Variants in NDST3 observed in about 807,000 individuals in gnomAD.
NDST3 encodes the protein bifunctional heparan sulfate N-deacetylase/N-sulfotransferase 3.
A neutral mutation model predicts 96.1 loss-of-function variants in NDST3; 58 were observed. That is an observed-to-expected ratio of 0.60 (90% confidence interval 0.49 to 0.75). The LOEUF (loss-of-function observed/expected upper bound fraction) is 0.75. Among genes scored for constraint, NDST3 ranks in the 30% least tolerant of loss-of-function variants. The probability of loss-of-function intolerance (pLI) is 0.00; values close to 1 mark genes in which losing one functional copy is unlikely to be tolerated. For missense variants in NDST3, 788 were observed against 1,034.2 expected (o/e 0.76, Z 3.27); for synonymous variants, 333 against 359.7 (o/e 0.93, Z 0.84).
chr4:118,163,904 G>A (rs1735370334), intron 6 of NDST3, among the ~76,000 whole-genome samples: 1 of 152,232 alleles, frequency 6.6e-6, no homozygotes, highest in East Asian at 1.9e-4. Context: ...TGGTGGTAAT[G>A]TAAATTAGTT....
chr4:118,183,802 C>T (rs1243881964), intron 6 of NDST3, among the ~76,000 whole-genome samples: 1 of 152,198 alleles, frequency 6.6e-6, no homozygotes, highest in Non-Finnish European at 1.5e-5. Flanking sequence ...TTTACATCCT[C>T]TTAATCGTAA....
chr4:118,224,379 C>T (rs1423775262), intron 6 of NDST3, 112 bp from the exon 7 acceptor site: 2 of 870,888 alleles, frequency 2.3e-6, no homozygotes, highest in Admixed American at 6.4e-5. Context: ...ACGCCATCAA[C>T]TGAAACCCTG....
chr4:118,252,014 C>T (rs955342403), intron 12 of NDST3, among the ~76,000 whole-genome samples: 3 of 152,000 alleles, frequency 2.0e-5, no homozygotes, highest in Non-Finnish European at 4.4e-5. Context: ...TAAACTGTCA[C>T]CCTAGATATT....
At chr4:118,213,378 G>A (rs1738932249) in intron 6 of NDST3, among the ~76,000 whole-genome samples, 1 of 152,084 alleles carries the variant, frequency 6.6e-6, no homozygotes, top group South Asian at 2.1e-4. Flanking sequence ...CATTCGGTTG[G>A]AACCTGCAAT....
intron 2 of NDST3, among the ~76,000 whole-genome samples, chr4:118,074,901 CTTCT>C (rs1727382948): frequency 6.6e-6 from 1 of 151,862 alleles, no homozygotes; most frequent in South Asian, 2.1e-4. Flanking sequence ...CCTTTAAGGA[CTTCT>C]TTTTTTATTA....
intron 5 of NDST3, among the ~76,000 whole-genome samples, chr4:118,141,297 CG>C: frequency 6.6e-6 from 1 of 152,198 alleles, no homozygotes; most frequent in South Asian, 2.1e-4. Flanking sequence ...TCATCCTTTC[CG>C]TAGCATAAGA....
rs572528970 is a variant in NDST3, at chr4:118,146,203, G to A, written c.1539+2519G>A. On this transcript the variant is annotated intron_variant, in intron 6 of 13. Transcript: ENST00000296499. ...CTTGATGGAATCAAAGTATACATTA[G>A]CTGCAGGAAAGTCATGAATTTTAAT... Among the ~76,000 whole-genome samples the A allele has an allele frequency of 4.0e-4, 61 of 152,298 alleles. No individual in the cohort carries two copies. The South Asian group carries it at 0.012, about 30-fold the overall frequency.
At chr4:118,224,008 T>G (rs1739709431) in intron 6 of NDST3, among the ~76,000 whole-genome samples, 1 of 152,200 alleles carries the variant, frequency 6.6e-6, no homozygotes. Flanking sequence ...ATAAAAAGTT[T>G]CCTGCACTTT....
chr4:118,169,968 G>C (rs966959570), intron 6 of NDST3, among the ~76,000 whole-genome samples: 1 of 152,044 alleles, frequency 6.6e-6, no homozygotes, highest in Non-Finnish European at 1.5e-5. Context: ...TCTTTACCGG[G>C]GGGCTTATCT....
intron 6 of NDST3, among the ~76,000 whole-genome samples, chr4:118,210,546 G>A (rs1346779585): frequency 6.6e-6 from 1 of 152,070 alleles, no homozygotes; most frequent in African/African-American, 2.4e-5. Context: ...GGGAGGCCAA[G>A]GCAGGTGGAT....
chr4:118,104,206 T>C (rs754705575), intron 2 of NDST3, among the ~76,000 whole-genome samples: 2 of 152,120 alleles, frequency 1.3e-5, no homozygotes, highest in African/African-American at 4.8e-5. Flanking sequence ...ACTAATTTCA[T>C]CTATGAAAGA....
intron 2 of NDST3, among the ~76,000 whole-genome samples, chr4:118,092,822 G>A (rs913794851): frequency 2.6e-5 from 4 of 151,816 alleles, no homozygotes; most frequent in African/African-American, 4.8e-5. Context: ...ATAGCATAAC[G>A]TATCAGACAC....
intron 4 of NDST3, among the ~76,000 whole-genome samples, chr4:118,127,217 T>C (rs1732179747): frequency 6.6e-6 from 1 of 152,004 alleles, no homozygotes; most frequent in South Asian, 2.1e-4. Context: ...CATCTGTCCA[T>C]TTTTTGTTGG....
intron 1 of NDST3, among the ~76,000 whole-genome samples, chr4:118,045,814 G>A (rs1724731107): frequency 6.6e-6 from 1 of 152,080 alleles, no homozygotes; most frequent in African/African-American, 2.4e-5. Flanking sequence ...TGTGCTTGTT[G>A]TTGTACCAGC....
chr4:118,046,186 G>A (rs1421147074), intron 1 of NDST3, among the ~76,000 whole-genome samples: 6 of 152,206 alleles, frequency 3.9e-5, no homozygotes, highest in Non-Finnish European at 8.8e-5. Context: ...GGGGGAATAG[G>A]TTCATGATGG....
rs28667620 is a variant in NDST3 at position 118,078,769 on chromosome 4, G to A, written c.981+23878G>A. ...GAAAAAAAAAAAAAAATCAGTGTGG[G>A]TCCAAATCTCAAGTCTGCCCCTTTC... On this transcript the variant is annotated intron_variant, in intron 2 of 13. Coordinates refer to ENST00000296499, the MANE Select transcript of NDST3 (RefSeq NM_004784.3). Among the ~76,000 whole-genome samples the A allele has an allele frequency of 6.0e-3, 907 of 151,974 alleles. 11 individuals carry two copies. Among genetic ancestry groups the A allele is most frequent in the African/African-American group, 0.021 (850 of 41,458 alleles).
At chr4:118,069,064 A>G (rs760813585) in intron 2 of NDST3, among the ~76,000 whole-genome samples, 1 of 152,128 alleles carries the variant, frequency 6.6e-6, no homozygotes, top group Non-Finnish European at 1.5e-5. Context: ...AGTATTGCCT[A>G]GTAAGAGGAC....
At chr4:118,067,728 C>T (rs1287116117) in intron 2 of NDST3, among the ~76,000 whole-genome samples, 1 of 151,998 alleles carries the variant, frequency 6.6e-6, no homozygotes, top group Non-Finnish European at 1.5e-5. Context: ...CTGCTCCGTA[C>T]TTAGAAATTG....
intron 1 of NDST3, among the ~76,000 whole-genome samples, chr4:118,035,409 C>A (rs900825334): frequency 6.7e-6 from 1 of 149,576 alleles, no homozygotes; most frequent in Non-Finnish European, 1.5e-5. Context: ...GAGATGTGTG[C>A]AACTGATCTG....
Sources: allele counts gnomAD v4.1 joint callset (sites outside exome capture counted in the v4.1 genomes callset), GRCh38; gene constraint gnomAD v4.1.1; transcripts MANE v1.5; gene names NCBI Gene and HGNC (gene_info 2026-07-23, HGNC 2026-07-21).